The following COL6A5 variants were observed in gnomAD, a reference collection of about 807,000 sequenced individuals.
COL6A5 encodes the protein collagen alpha-5(VI) chain.
Under a neutral mutation model 65.6 loss-of-function variants are expected in COL6A5, and 48 were observed. That is an observed-to-expected ratio of 0.73 (90% CI 0.58 to 0.93). The LOEUF (loss-of-function observed/expected upper bound fraction) is 0.93, where lower values mean the gene tolerates loss of function less well. Among genes scored for constraint, COL6A5 ranks in the 40% least tolerant of loss-of-function variants. COL6A5 has a pLI of 0.00. For missense variants in COL6A5, 914 were observed against 928.3 expected, an observed-to-expected ratio of 0.98 and a Z score of 0.20; for synonymous variants, 291 against 322.8, an observed-to-expected ratio of 0.90 and a Z score of 1.05.
At chr3:130,464,805 A>G (rs1559917319) in intron 5 of COL6A5, among the ~76,000 whole-genome samples, 2 of 152,040 alleles carry the variant, frequency 1.3e-5, no homozygotes, top group Admixed American at 6.6e-5. Flanking sequence ...TAAATTTCAA[A>G]CATGCTTGTG....
intron 5 of COL6A5, among the ~76,000 whole-genome samples, chr3:130,457,728 T>C (rs904783816): frequency 3.3e-5 from 5 of 152,142 alleles, no homozygotes; most frequent in African/African-American, 1.2e-4. Flanking sequence ...TCTAGGAACT[T>C]CGTGCTATTC....
intron 20 of COL6A5, among the ~76,000 whole-genome samples, chr3:130,412,404 T>C (rs1417546185): frequency 6.6e-6 from 1 of 152,164 alleles, no homozygotes; most frequent in Admixed American, 6.5e-5. Flanking sequence ...CTAACCACAC[T>C]GGGTGAGGTT....
intron 2 of COL6A5, among the ~76,000 whole-genome samples, 169 bp downstream of exon 34, chr3:130,439,784 A>T (rs746622583): frequency 3.0e-4 from 46 of 152,142 alleles, no homozygotes; most frequent in Non-Finnish European, 4.9e-4. Flanking sequence ...GAATGTTTGG[A>T]GTTTCCATAG....
In COL6A5 at chr3:130,415,564, T is replaced by C. The variant is rs1407961797; in HGVS notation, c.4762-81T>C. 7.7e-6 allele frequency: 10 copies of C among 1,300,008 alleles called. No homozygotes were observed. In the East Asian group the frequency reaches 2.3e-4, roughly 29 times the overall value. The allele number at this position is 1,300,008 out of a possible 1,614,324, so 80.5% of individuals were successfully genotyped here. ...GGGAAGGGCTGGACCATTGCTTTTC[T>C]GCAGGGTGTTTCAAAAGAAACACTG... is the stretch of plus-strand genomic sequence containing the variant. On this transcript the variant is annotated intron_variant and NMD_transcript_variant, in intron 22 of 41. Transcript: ENST00000312481.
exon 14 of COL6A5, chr3:130,405,644 G>A: frequency 1.3e-6 from 2 of 1,550,296 alleles, no homozygotes; most frequent in Middle Eastern, 1.7e-4. Flanking sequence ...GATGTCCAGG[G>A]GCGTGGGGTC....
chr3:130,436,432 C>A (rs757669535), intron 1 of COL6A5, among the ~76,000 whole-genome samples: 34 of 152,028 alleles, frequency 2.2e-4, no homozygotes, highest in Admixed American at 4.6e-4. Context: ...TCTTGGCTCC[C>A]ATATAGCAAT....
At chr3:130,424,368 A>T (rs1192492532) in intron 29 of COL6A5, among the ~76,000 whole-genome samples, 1 of 152,034 alleles carries the variant, frequency 6.6e-6, no homozygotes, top group African/African-American at 2.4e-5. Flanking sequence ...TACAAGAAAA[A>T]TGGCACCTCT....
upstream of COL6A5, among the ~76,000 whole-genome samples, chr3:130,431,121 C>T (rs1937782449): frequency 6.6e-6 from 1 of 152,002 alleles, no homozygotes. Context: ...TCAGTTTTAC[C>T]AAATGTGTAG....
intron 1 of COL6A5, among the ~76,000 whole-genome samples, chr3:130,435,341 A>G (rs140472029): frequency 6.6e-6 from 1 of 152,266 alleles, no homozygotes; most frequent in African/African-American, 2.4e-5. Flanking sequence ...CAGTTACTGT[A>G]TCCTTGTAGT....
At position 130,443,713 on chromosome 3, in the gene COL6A5, A is replaced by G. The variant is rs1383437681; in HGVS notation, c.1332+147A>G. 9.7e-6 allele frequency: 5 copies of G among 516,396 alleles called. No homozygotes were observed. The East Asian group carries it at 1.2e-4, about 13-fold the overall frequency. The allele number at this position is 516,396 out of a possible 1,614,324, so 32.0% of individuals were successfully genotyped here. A position where few individuals can be genotyped will look rare whatever the true frequency, so the allele number is the denominator to read the frequency against. On this transcript the variant is annotated intron_variant, in intron 4 of 7. Transcript: ENST00000512836. ...TATTCCATTTTCCATAGCAGAAATTACATATCAAGTATGATTTCCAATTTG... is the reference window on the plus strand; with the variant it reads ...TATTCCATTTTCCATAGCAGAAATTGCATATCAAGTATGATTTCCAATTTG...
intron 4 of COL6A5, among the ~76,000 whole-genome samples, chr3:130,444,508 G>A (rs145733727): frequency 1.8e-3 from 268 of 152,218 alleles, no homozygotes; most frequent in African/African-American, 6.2e-3. Flanking sequence ...ACGTTCTTCC[G>A]CCATGGCTTC....
intron 5 of COL6A5, among the ~76,000 whole-genome samples, chr3:130,460,055 T>C (rs1709668380): frequency 6.6e-6 from 1 of 152,102 alleles, no homozygotes; most frequent in South Asian, 2.1e-4. Context: ...CTGTCATGTA[T>C]CAAACTTGAA....
chr3:130,389,028 G>A (rs1559873339), exon 6 of COL6A5: 2 of 1,531,644 alleles, frequency 1.3e-6, no homozygotes, highest in African/African-American at 2.8e-5. Flanking sequence ...ATAGATCTCA[G>A]CTAGAAGAGA....
intron 4 of COL6A5, among the ~76,000 whole-genome samples, chr3:130,453,751 A>T (rs575506798): frequency 6.6e-6 from 1 of 152,138 alleles, no homozygotes; most frequent in East Asian, 1.9e-4. Flanking sequence ...TTAGGCCCAT[A>T]ATCACCCCAT....
At position 130,440,591 on chromosome 3, in the gene COL6A5, G is replaced by A. The variant is rs1709155463; in HGVS notation, c.1009G>A (p.Val337Ile). ...AAGAAAACACAAGGTCATCTTTGTG[G>A]TCTCAGCTGGAGAAAATTATGAGAG... Residue 337 changes from valine (V) to isoleucine (I), a missense_variant, in exon 3 of 8, where the codon GTC (valine) becomes ATC (isoleucine). Coordinates refer to ENST00000512836, the Ensembl canonical transcript of COL6A5. 1 of 1,613,466 alleles carries A rather than the reference G, an allele frequency of 6.2e-7. No homozygotes were observed. The highest frequency in any genetic ancestry group is 8.5e-7 in the Non-Finnish European group (1 of 1,179,676).
At chr3:130,426,087 A>G in intron 29 of COL6A5, 127 bp from the exon 30 acceptor site, 1 of 844,574 alleles carries the variant, frequency 1.2e-6, no homozygotes. Context: ...GTTCAGGAAT[A>G]TTTTAACTAC....
chr3:130,376,709 G>A (rs1190352167), exon 3 of COL6A5: 1 of 1,613,538 alleles, frequency 6.2e-7, no homozygotes, highest in Non-Finnish European at 8.5e-7. Flanking sequence ...TGAAGGCCAT[G>A]GCCACATCCC....
intron 17 of COL6A5, among the ~76,000 whole-genome samples, chr3:130,408,451 A>G (rs1987493): frequency 1.1e-4 from 16 of 151,956 alleles, no homozygotes; most frequent in African/African-American, 3.1e-4. Context: ...GCTCGCGAAC[A>G]CTGTTTCCTG....
At chr3:130,404,827 A>T (rs1936932604) in intron 13 of COL6A5, among the ~76,000 whole-genome samples, 2 of 152,226 alleles carry the variant, frequency 1.3e-5, no homozygotes, top group South Asian at 4.1e-4. Flanking sequence ...GCTCATTACT[A>T]GTTAATTATT....
Sources: allele counts gnomAD v4.1 joint callset (sites outside exome capture counted in the v4.1 genomes callset), GRCh38; gene constraint gnomAD v4.1.1; transcripts MANE v1.5; gene names NCBI Gene and HGNC (gene_info 2026-07-23, HGNC 2026-07-21).